ITGA9: variants seen among roughly 807,000 people sequenced by gnomAD.
ITGA9 encodes integrin subunit alpha 9, also known as integrin alpha-9.
Under a neutral mutation model 127.8 loss-of-function variants are expected in ITGA9, and 56 were observed. The ratio of observed to expected loss-of-function variants is 0.44; its 90% CI spans 0.35 to 0.55. The LOEUF (loss-of-function observed/expected upper bound fraction) is 0.55. Among genes scored for constraint, ITGA9 ranks in the 20% least tolerant of loss-of-function variants. The probability of loss-of-function intolerance (pLI) is 0.00; values close to 1 mark genes in which losing one functional copy is unlikely to be tolerated. For synonymous variants in ITGA9, 508 were observed against 514.5 expected (o/e 0.99, Z 0.17); for missense variants, 1,196 against 1,347.1 (o/e 0.89, Z 1.76).
At chr3:37,513,965 G>A in intron 9 of ITGA9, 65 bp downstream of exon 9, 2 of 1,599,414 alleles carry the variant, frequency 1.3e-6, no homozygotes, top group South Asian at 1.1e-5. Flanking sequence ...AGCCAGCAGT[G>A]GCCGAGCACC....
chr3:37,627,382 T>C (rs1189889439), intron 15 of ITGA9, among the ~76,000 whole-genome samples: 47 of 152,254 alleles, frequency 3.1e-4, no homozygotes, highest in Non-Finnish European at 1.2e-4. Flanking sequence ...GTCTCCTCTC[T>C]GGGGCTGCTG....
chr3:37,526,504 C>G (rs1483244351), intron 13 of ITGA9, among the ~76,000 whole-genome samples: 3 of 152,236 alleles, frequency 2.0e-5, no homozygotes, highest in Non-Finnish European at 4.4e-5. Context: ...TACCTCCAGT[C>G]AGTCCACAAC....
At chr3:37,530,599 G>T (rs143137728) in intron 13 of ITGA9, among the ~76,000 whole-genome samples, 1 of 152,086 alleles carries the variant, frequency 6.6e-6, no homozygotes, top group Admixed American at 6.5e-5. Flanking sequence ...CTTGCAGAAG[G>T]CCAAGGCACC....
intron 15 of ITGA9, among the ~76,000 whole-genome samples, chr3:37,590,253 C>T (rs1292127448): frequency 1.3e-5 from 2 of 152,218 alleles, no homozygotes; most frequent in Non-Finnish European, 2.9e-5. Flanking sequence ...CCCCATGGAG[C>T]CTCATGCTGT....
chr3:37,524,434 G>A (rs981211833), intron 12 of ITGA9, among the ~76,000 whole-genome samples: 1 of 152,164 alleles, frequency 6.6e-6, no homozygotes, highest in Non-Finnish European at 1.5e-5. Context: ...GTGTATTTTT[G>A]TACAGATAGG....
chr3:37,817,280 G>A (rs6782856), intron 27 of ITGA9, among the ~76,000 whole-genome samples: 55,698 of 152,090 alleles, frequency 0.37, 11,436 homozygotes, highest in African/African-American at 0.56. Flanking sequence ...GGGTTTTCCA[G>A]TATGACTTGG....
chr3:37,536,676 G>A (rs1225945401), intron 14 of ITGA9, among the ~76,000 whole-genome samples: 1 of 152,192 alleles, frequency 6.6e-6, no homozygotes, highest in African/African-American at 2.4e-5. Context: ...GAGTGTTCAG[G>A]ACCAGCTCAT....
chr3:37,513,702 G>T, intron 8 of ITGA9, 61 bp from the exon 9 acceptor site: 1 of 1,607,076 alleles, frequency 6.2e-7, no homozygotes, highest in Admixed American at 1.7e-5. Flanking sequence ...GGAGGAAAGC[G>T]AGGGCATCCT....
chr3:37,793,534 C>G (rs79358950), intron 26 of ITGA9, among the ~76,000 whole-genome samples: 5,209 of 151,780 alleles, frequency 0.034, 113 homozygotes, highest in Middle Eastern at 0.054. Context: ...GGAGTGACCC[C>G]CGAACAAGTA....
intron 5 of ITGA9, among the ~76,000 whole-genome samples, chr3:37,495,017 A>G (rs939575321): frequency 5.3e-5 from 8 of 152,146 alleles, no homozygotes; most frequent in African/African-American, 1.7e-4. Flanking sequence ...TATGTCACTC[A>G]AGCTGGAGTG....
At chr3:37,546,214 T>C (rs549007065) in intron 15 of ITGA9, among the ~76,000 whole-genome samples, 1 of 152,282 alleles carries the variant, frequency 6.6e-6, no homozygotes, top group East Asian at 1.9e-4. Context: ...GAATTCTAGC[T>C]GGATTTCATT....
rs78586405 is a variant in ITGA9, at chr3:37,736,475, G to A, written c.2155-429G>A. On this transcript the variant is annotated intron_variant, in intron 19 of 27. Coordinates refer to ENST00000264741, the MANE Select transcript of ITGA9 (RefSeq NM_002207.3). ...TACAACTACCTTCTCTTTTTGGCAA[G>A]TGATCCTGGATTCCCATCTATGACA... Among the ~76,000 whole-genome samples the A allele has an allele frequency of 4.4e-3, 666 of 152,310 alleles. 6 individuals carry two copies. The highest frequency in any genetic ancestry group is 7.1e-3 in the Non-Finnish European group (484 of 68,030).
At chr3:37,477,783 A>C (rs2125556822) in intron 3 of ITGA9, among the ~76,000 whole-genome samples, 1 of 152,338 alleles carries the variant, frequency 6.6e-6, no homozygotes, top group East Asian at 1.9e-4. Flanking sequence ...AGACTTGCCA[A>C]GGCTCAGACA....
chr3:37,752,335 T>G (rs917377929), intron 23 of ITGA9, among the ~76,000 whole-genome samples: 2 of 152,182 alleles, frequency 1.3e-5, no homozygotes, highest in Non-Finnish European at 2.9e-5. Flanking sequence ...AAACCAGCAC[T>G]CATTCTCTGT....
Position 37,556,941 on chromosome 3 carries a change from C to A in ITGA9, c.1689+14356C>A, listed in dbSNP as rs2003760. The stretch of plus-strand genomic sequence containing the variant: ...TGATGTGTGTTAATGGAGGGGGTGC[C>A]CCTTATAGGAGGGTGGTGTGGGCTA... On this transcript the variant is annotated intron_variant, in intron 15 of 27. Transcript: ENST00000264741. 1.2e-4 allele frequency among the ~76,000 whole-genome samples: 18 copies of A among 152,194 alleles called. No individual in the cohort carries two copies. The East Asian group carries it at 3.3e-3, about 28-fold the overall frequency.
At chr3:37,731,557 A>G (rs1435857373) in intron 18 of ITGA9, among the ~76,000 whole-genome samples, 1 of 151,992 alleles carries the variant, frequency 6.6e-6, no homozygotes, top group East Asian at 1.9e-4. Context: ...GTTTTGTTTC[A>G]TTGCTATTTT....
At chr3:37,643,157 CAGG>C (rs1700348497) in intron 16 of ITGA9, among the ~76,000 whole-genome samples, 1 of 152,098 alleles carries the variant, frequency 6.6e-6, no homozygotes, top group South Asian at 2.1e-4. Context: ...TTTGGCTCAG[CAGG>C]AGGGGAAAGG....
At position 37,471,036 on chromosome 3, in the gene ITGA9, C is replaced by T; in HGVS notation, c.215C>T (p.Ser72Phe). ...WVLVGAPKAD[S>F]KYSPSVKSPG... ...CTTGTGGGCGCACCAAAGGCAGATT[C>T]CAAATACAGCCCTTCAGTGAAGTCT... Residue 72 changes from serine to phenylalanine, a missense_variant, in exon 2 of 28, where the codon TCC becomes TTC. By Grantham distance (155) the Ser-to-Phe change is radical (BLOSUM62 -2). Coordinates refer to ENST00000264741, the MANE Select transcript of ITGA9 (RefSeq NM_002207.3). The T allele has an allele frequency of 6.2e-7, 1 of 1,614,098 alleles. No homozygotes were observed. Among genetic ancestry groups the T allele is most frequent in the Non-Finnish European group, 8.5e-7 (1 of 1,180,004 alleles).
intron 9 of ITGA9, among the ~76,000 whole-genome samples, chr3:37,514,527 C>G (rs1698964855): frequency 1.3e-5 from 2 of 151,816 alleles, no homozygotes; most frequent in Non-Finnish European, 2.9e-5. Flanking sequence ...CCACTCATTT[C>G]AGCATGGGGG....
Sources: allele counts gnomAD v4.1 joint callset (sites outside exome capture counted in the v4.1 genomes callset), GRCh38; gene constraint gnomAD v4.1.1; transcripts MANE v1.5; gene names NCBI Gene and HGNC (gene_info 2026-07-23, HGNC 2026-07-21).